The following PALMD variants were observed in gnomAD, a reference collection of about 807,000 sequenced individuals.
PALMD encodes the protein palmdelphin, also known as paralemmin-like protein.
In PALMD, 42 loss-of-function variants were observed where a neutral mutation model predicts 56.2. The observed-to-expected ratio is 0.75, with a 90% confidence interval of 0.58 to 0.97. The LOEUF is 0.97. Among genes scored for constraint, PALMD ranks in the 50% least tolerant of loss-of-function variants. The probability of loss-of-function intolerance (pLI) is 0.00; values close to 1 mark genes in which losing one functional copy is unlikely to be tolerated. For missense variants in PALMD, 660 were observed against 643.8 expected (o/e 1.03, Z -0.27); for synonymous variants, 242 against 222.9 (o/e 1.09, Z -0.76).
chr1:99,686,757 G>A lies in PALMD; in HGVS notation c.333G>A (p.Lys111=). 1 of 1,602,854 alleles carries A rather than the reference G, an allele frequency of 6.2e-7. No individual in the cohort carries two copies. The highest frequency in any genetic ancestry group is 8.5e-7 in the Non-Finnish European group (1 of 1,170,856). Residue 111 remains lysine (K), a synonymous_variant, in exon 4 of 8, where the codon AAG becomes AAA. Transcript: ENST00000263174. The part of the protein sequence containing the change: ...TKEEAILKKL[K]SIERTTEDII... ...AAGAGGCCATTTTAAAGAAACTAAA[G>A]TCAATTGAGCGGACAACAGAAGACA... is the stretch of plus-strand genomic sequence containing the variant.
chr1:99,663,500 T>G (rs1457417710), intron 2 of PALMD, among the ~76,000 whole-genome samples: 1 of 152,066 alleles, frequency 6.6e-6, no homozygotes, highest in Non-Finnish European at 1.5e-5. Context: ...TCTAGAAAGT[T>G]TTTTAGATAG....
chr1:99,663,376 T>A (rs562791205), intron 2 of PALMD, among the ~76,000 whole-genome samples: 1 of 152,128 alleles, frequency 6.6e-6, no homozygotes, highest in African/African-American at 2.4e-5. Flanking sequence ...TGAATTTACA[T>A]GAGTAGTATA....
intron 7 of PALMD, among the ~76,000 whole-genome samples, chr1:99,691,582 G>A (rs940562252): frequency 2.0e-5 from 3 of 152,130 alleles, no homozygotes; most frequent in African/African-American, 4.8e-5. Context: ...CTACAGAGCT[G>A]ATGTGTATTT....
At chr1:99,658,149 C>T (rs555169562) in intron 1 of PALMD, among the ~76,000 whole-genome samples, 1 of 151,678 alleles carries the variant, frequency 6.6e-6, no homozygotes, top group Admixed American at 6.6e-5. Context: ...ACTAAAAATA[C>T]AAAAATTACC....
At position 99,667,760 on chromosome 1, in the gene PALMD, T is replaced by G. The variant is rs1478846890; in HGVS notation, c.245T>G (p.Ile82Ser). Reference protein sequence around the residue: ...QHQIQVLEQSILRLEKEIQDL... With the variant: ...QHQIQVLEQSSLRLEKEIQDL... ...CAGATCCAGGTTCTAGAACAAAGTA[T>G]CCTCAGGTATGGCCCTCACTGAGAT... The change falls in exon 3 of 8, where the codon ATC becomes AGC. Residue 82 changes from isoleucine to serine, a missense_variant. Transcript: ENST00000263174. 1.2e-6 allele frequency: 2 copies of G among 1,613,520 alleles called. No individual in the cohort carries two copies. Among genetic ancestry groups the G allele is most frequent in the Non-Finnish European group, 1.7e-6 (2 of 1,179,570 alleles).
At chr1:99,684,001 C>A (rs1471835943) in intron 3 of PALMD, 1 of 152,220 alleles carries the variant, frequency 6.6e-6, no homozygotes, top group Non-Finnish European at 1.5e-5. Flanking sequence ...AGTGCCCCCT[C>A]CTCAGGCTTT....
chr1:99,648,109 A>G (rs1200444822), intron 1 of PALMD, among the ~76,000 whole-genome samples: 1 of 152,218 alleles, frequency 6.6e-6, no homozygotes, highest in Non-Finnish European at 1.5e-5. Flanking sequence ...AATATATCCC[A>G]TTAGAAAGGA....
intron 1 of PALMD, among the ~76,000 whole-genome samples, chr1:99,660,205 A>C (rs766147918): frequency 3.9e-5 from 6 of 152,204 alleles, no homozygotes; most frequent in Non-Finnish European, 8.8e-5. Context: ...TGGCCACAGT[A>C]CTTCATGAGG....
At chr1:99,692,146 A>G (rs1035048335) in intron 7 of PALMD, among the ~76,000 whole-genome samples, 4 of 152,134 alleles carry the variant, frequency 2.6e-5, no homozygotes, top group African/African-American at 9.7e-5. Flanking sequence ...TACCCCTACC[A>G]ATCAGGGGGT....
chr1:99,665,138 G>T (rs779815882), intron 2 of PALMD, among the ~76,000 whole-genome samples: 1 of 151,920 alleles, frequency 6.6e-6, no homozygotes, highest in African/African-American at 2.4e-5. Context: ...CCATGAGTCC[G>T]TTCAATTCAA....
chr1:99,672,798 T>C lies in PALMD; in HGVS notation c.251+5032T>C, dbSNP rs929308313. ...CAACTGCCGAGGAGAATGATGCAAA[T>C]ACACTGCATTCCCTTTGGGAAGGAT... On this transcript the variant is annotated intron_variant, in intron 3 of 7. Coordinates refer to ENST00000263174, the MANE Select transcript of PALMD (RefSeq NM_017734.5). Among the ~76,000 whole-genome samples the C allele has an allele frequency of 7.2e-5, 11 of 152,182 alleles. No individual in the cohort carries two copies. The East Asian group carries it at 1.5e-3, about 21-fold the overall frequency.
intron 1 of PALMD, among the ~76,000 whole-genome samples, chr1:99,659,828 T>G (rs566173037): frequency 6.6e-6 from 1 of 152,316 alleles, no homozygotes; most frequent in Non-Finnish European, 1.5e-5. Flanking sequence ...CCTACCTACC[T>G]AGACTGATAT....
At chr1:99,665,118 T>A (rs555847232) in intron 2 of PALMD, among the ~76,000 whole-genome samples, 3 of 152,070 alleles carry the variant, frequency 2.0e-5, no homozygotes, top group African/African-American at 7.2e-5. Context: ...ATCTGAAAAA[T>A]TTTTGATTTC....
chr1:99,672,486 T>C (rs1214660678), intron 3 of PALMD, among the ~76,000 whole-genome samples: 2 of 152,154 alleles, frequency 1.3e-5, no homozygotes, highest in Admixed American at 6.6e-5. Context: ...TTAGAAATCT[T>C]GTCCTAACAC....
chr1:99,674,858 T>A (rs4908003), intron 3 of PALMD, among the ~76,000 whole-genome samples: 14,947 of 152,214 alleles, frequency 0.098, 912 homozygotes, highest in Admixed American at 0.18. Flanking sequence ...TCATAAAGGA[T>A]GAATGTTCAA....
chr1:99,656,626 C>A (rs952551094), intron 1 of PALMD, among the ~76,000 whole-genome samples: 4 of 152,128 alleles, frequency 2.6e-5, no homozygotes, highest in Admixed American at 1.3e-4. Context: ...AACACCTATA[C>A]CCTCTTTCTA....
intron 3 of PALMD, chr1:99,668,831 A>G (rs1273431212): frequency 6.6e-6 from 1 of 152,240 alleles, no homozygotes; most frequent in Admixed American, 6.5e-5. Flanking sequence ...TAGTATTATC[A>G]CATGCAAAAA....
intron 1 of PALMD, among the ~76,000 whole-genome samples, chr1:99,652,006 A>G (rs1376033640): frequency 2.0e-5 from 3 of 152,248 alleles, no homozygotes; most frequent in African/African-American, 7.2e-5. Flanking sequence ...ATCTCCTAAG[A>G]AAAAGAATTG....
rs1338505658 is a variant in PALMD at position 99,689,031 on chromosome 1, T to C, written c.771T>C (p.Tyr257=). 6.2e-7 allele frequency: 1 copy of C among 1,613,564 alleles called. No homozygotes were observed. Among genetic ancestry groups the C allele is most frequent in the Non-Finnish European group, 8.5e-7 (1 of 1,179,836 alleles). ...GAAACTCTAAATCCCCAACAGAGTA[T>C]CATGAGCCTGTATATGCCAATCCCT... is the stretch of plus-strand genomic sequence containing the variant. ...SERNSKSPTE[Y]HEPVYANPFY... is the part of the protein sequence containing the mutation. Residue 257 remains tyrosine, a synonymous_variant, in exon 7 of 8, where the codon TAT becomes TAC. Coordinates refer to ENST00000263174, the MANE Select transcript of PALMD (RefSeq NM_017734.5).
Sources: allele counts gnomAD v4.1 joint callset (sites outside exome capture counted in the v4.1 genomes callset), GRCh38; gene constraint gnomAD v4.1.1; transcripts MANE v1.5; gene names NCBI Gene and HGNC (gene_info 2026-07-23, HGNC 2026-07-21).